The following CD244 variants were observed in gnomAD, a reference collection of about 807,000 sequenced individuals.
CD244 encodes the protein CD244 molecule, also known as natural killer cell receptor 2B4.
CD244 carries 20 observed loss-of-function variants against 45.5 expected under a neutral mutation model. The observed-to-expected ratio is 0.44, with a 90% CI of 0.31 to 0.64. CD244 has a LOEUF of 0.64. CD244 is among the 30% of genes least tolerant of loss of function. The pLI, the probability that CD244 is intolerant of heterozygous loss-of-function variation, is 0.08. For missense variants in CD244, 407 were observed against 426.9 expected, an observed-to-expected ratio of 0.95 and a Z score of 0.41; for synonymous variants, 185 against 160.5, an observed-to-expected ratio of 1.15 and a Z score of -1.15.
At chr1:160,856,768 T>G (rs1285928192) in intron 1 of CD244, among the ~76,000 whole-genome samples, 1 of 151,918 alleles carries the variant, frequency 6.6e-6, no homozygotes, top group Non-Finnish European at 1.5e-5. Flanking sequence ...GGGAAAGAGT[T>G]TATGAATAAG....
chr1:160,862,593 C>T, intron 1 of CD244, 24 bp downstream of exon 1: 1 of 1,610,576 alleles, frequency 6.2e-7, no homozygotes, highest in Non-Finnish European at 8.5e-7. Context: ...CTCCCTCGCC[C>T]CACGCCAGGT....
intron 6 of CD244, among the ~76,000 whole-genome samples, chr1:160,834,468 G>A (rs1450932305): frequency 1.3e-5 from 2 of 152,194 alleles, no homozygotes; most frequent in East Asian, 1.9e-4. Context: ...CAATTCTCCT[G>A]CCCCAGCCTC....
At position 160,838,449 on chromosome 1, in the gene CD244, A is replaced by G; in HGVS notation, c.834+2T>C. 6.2e-7 allele frequency: 1 copy of G among 1,610,022 alleles called. No individual in the cohort carries two copies. Among genetic ancestry groups the G allele is most frequent in the Non-Finnish European group, 8.5e-7 (1 of 1,176,298 alleles). On this transcript the variant is annotated splice_donor_variant, in intron 5 of 8. Coordinates refer to ENST00000368034, the MANE Select transcript of CD244 (RefSeq NM_016382.4). LOFTEE classifies it high-confidence loss of function. ...GAGACCCCAGCCTCCGGGATGACATACGTGATTTCTCCTGGTTTTCAGATC... is the reference window on the plus strand; with the variant it reads ...GAGACCCCAGCCTCCGGGATGACATGCGTGATTTCTCCTGGTTTTCAGATC...
At chr1:160,843,223 C>T (rs1260931714) in intron 1 of CD244, among the ~76,000 whole-genome samples, 1 of 152,212 alleles carries the variant, frequency 6.6e-6, no homozygotes, top group Admixed American at 6.5e-5. Context: ...GACTAAAACA[C>T]ATAGGTTCCC....
Position 160,841,392 on chromosome 1 carries a change from C to T in CD244, c.473G>A (p.Gly158Asp), listed in dbSNP as rs771548413. The T allele has an allele frequency of 6.2e-7, 1 of 1,614,188 alleles. No homozygotes were observed. Among genetic ancestry groups the T allele is most frequent in the South Asian group, 1.1e-5 (1 of 91,080 alleles). ...TCTGTACCAAGCATAGGACACATTGCCATCCCTGGAGACCAAGCAAGACAG... is the reference window on the plus strand; with the variant it reads ...TCTGTACCAAGCATAGGACACATTGTCATCCCTGGAGACCAAGCAAGACAG... ...VALSCLVSRD[G>D]NVSYAWYRGS... The change falls in exon 3 of 9, where the codon GGC becomes GAC. Residue 158 changes from glycine to aspartate, a missense_variant. By Grantham distance (94) the Gly-to-Asp change is moderately conservative. Coordinates refer to ENST00000368034, the MANE Select transcript of CD244 (RefSeq NM_016382.4).
At chr1:160,833,597 G>A (rs1425519881) in intron 7 of CD244, among the ~76,000 whole-genome samples, 1 of 152,172 alleles carries the variant, frequency 6.6e-6, no homozygotes, top group African/African-American at 2.4e-5. Context: ...GTGACTGACT[G>A]GCCAGGACCT....
chr1:160,837,608 A>T (rs1669378832), intron 5 of CD244, among the ~76,000 whole-genome samples: 1 of 152,196 alleles, frequency 6.6e-6, no homozygotes, highest in Non-Finnish European at 1.5e-5. Context: ...GGCCTCACGT[A>T]TGTGGCCAGC....
chr1:160,837,438 AC>A (rs1428127022), intron 5 of CD244, among the ~76,000 whole-genome samples: 2 of 152,186 alleles, frequency 1.3e-5, no homozygotes, highest in African/African-American at 4.8e-5. Flanking sequence ...TCCAATAGCC[AC>A]TGCTTTATTT....
intron 3 of CD244, among the ~76,000 whole-genome samples, chr1:160,839,560 C>T (rs940493524): frequency 2.0e-5 from 3 of 152,108 alleles, no homozygotes; most frequent in African/African-American, 7.2e-5. Context: ...CTAAACAATA[C>T]AGTATAACAA....
At chr1:160,841,993 G>C in intron 1 of CD244, 92 bp from the exon 2 acceptor site, 1 of 1,031,140 alleles carries the variant, frequency 9.7e-7, no homozygotes, top group Non-Finnish European at 1.5e-6. Context: ...AAGCCAATTG[G>C]GTGGGGATGA....
intron 1 of CD244, among the ~76,000 whole-genome samples, chr1:160,860,454 A>T (rs796500975): frequency 1.2e-3 from 182 of 152,326 alleles, no homozygotes; most frequent in African/African-American, 4.2e-3. Flanking sequence ...GCAAAAAAAA[A>T]AAATAAAGCA....
chr1:160,841,506 C>T, intron 2 of CD244, 21 bp from the exon 3 acceptor site: 10 of 1,613,642 alleles, frequency 6.2e-6, no homozygotes, highest in Non-Finnish European at 8.5e-6. Context: ...AGATTCTGAT[C>T]AGAAAGGCAT....
At chr1:160,851,146 G>A (rs555446187) in intron 1 of CD244, among the ~76,000 whole-genome samples, 19 of 152,256 alleles carry the variant, frequency 1.2e-4, no homozygotes, top group Admixed American at 5.9e-4. Context: ...GGGTTTTTAT[G>A]GAGGCCTCAA....
chr1:160,838,352 G>A (rs890777628), intron 5 of CD244, 99 bp downstream of exon 5: 2 of 887,954 alleles, frequency 2.3e-6, no homozygotes, highest in Non-Finnish European at 3.9e-6. Flanking sequence ...CAAAAGGACA[G>A]TCGTTCAGTC....
At chr1:160,855,220 C>T (rs776368440) in intron 1 of CD244, among the ~76,000 whole-genome samples, 1 of 152,148 alleles carries the variant, frequency 6.6e-6, no homozygotes, top group Non-Finnish European at 1.5e-5. Context: ...AAAGAGATGA[C>T]GAAGGTGTGG....
intron 7 of CD244, 117 bp downstream of exon 7, chr1:160,833,932 CAG>C (rs1219652334): frequency 2.9e-6 from 2 of 698,080 alleles, no homozygotes; most frequent in East Asian, 5.3e-5. Flanking sequence ...AGAAGCTACT[CAG>C]ATACACACAA....
chr1:160,844,711 A>C (rs1274274143), intron 1 of CD244, among the ~76,000 whole-genome samples: 1 of 152,232 alleles, frequency 6.6e-6, no homozygotes, highest in Non-Finnish European at 1.5e-5. Flanking sequence ...GCGGTGGCTC[A>C]TGCCCGTAAT....
chr1:160,839,089 C>G, intron 3 of CD244, 40 bp from the exon 4 acceptor site: 2 of 1,458,228 alleles, frequency 1.4e-6, no homozygotes, highest in South Asian at 2.4e-5. Flanking sequence ...GCTGTCAGCT[C>G]GCTCTCTTCT....
At chr1:160,831,471 T>G in intron 8 of CD244, 44 bp from the exon 9 acceptor site, 2 of 1,334,750 alleles carry the variant, frequency 1.5e-6, no homozygotes, top group Non-Finnish European at 1.1e-6. Flanking sequence ...CACTGGGAGG[T>G]CCTTATCACA....
Sources: allele counts gnomAD v4.1 joint callset (sites outside exome capture counted in the v4.1 genomes callset), GRCh38; gene constraint gnomAD v4.1.1; transcripts MANE v1.5; gene names NCBI Gene and HGNC (gene_info 2026-07-23, HGNC 2026-07-21).